The following ESR1 variants were observed in gnomAD, a reference collection of about 807,000 sequenced individuals.
ESR1 encodes estrogen receptor 1.
A neutral mutation model predicts 52.7 loss-of-function variants in ESR1; 12 were observed. The ratio of observed to expected loss-of-function variants is 0.23; its 90% CI spans 0.15 to 0.37. The LOEUF (loss-of-function observed/expected upper bound fraction) is 0.37, where lower values mean the gene tolerates loss of function less well. ESR1 is among the 10% of genes least tolerant of loss of function. ESR1 has a pLI of 1.00. For missense variants in ESR1, 584 were observed against 779.7 expected (o/e 0.75, Z 2.99); for synonymous variants, 305 against 316.8 (o/e 0.96, Z 0.39).
At chr6:152,065,706 C>A (rs2047911782) in intron 6 of ESR1, among the ~76,000 whole-genome samples, 1 of 152,176 alleles carries the variant, frequency 6.6e-6, no homozygotes, top group Non-Finnish European at 1.5e-5. Context: ...TCTCTCCTGA[C>A]TCCTCAAACC....
At position 151,861,975 on chromosome 6, in the gene ESR1, T is replaced by G. The variant is rs9340834; in HGVS notation, c.644-18680T>G. On this transcript the variant is annotated intron_variant, in intron 2 of 7. Transcript: ENST00000206249. Reference sequence around the variant, plus strand: ...TTGTTTACTGAGAAAATGATGTTATTATAAACTGGTTTGAGGGTATTGTGG... The same window carrying G: ...TTGTTTACTGAGAAAATGATGTTATGATAAACTGGTTTGAGGGTATTGTGG... 9.1e-4 allele frequency among the ~76,000 whole-genome samples: 138 copies of G among 152,326 alleles called. 5 individuals carry two copies. The East Asian group carries it at 0.026, about 29-fold the overall frequency.
At chr6:151,966,757 T>C (rs1188130060) in intron 4 of ESR1, among the ~76,000 whole-genome samples, 4 of 152,198 alleles carry the variant, frequency 2.6e-5, no homozygotes, top group Non-Finnish European at 4.4e-5. Flanking sequence ...CTGCAATATT[T>C]AGAAAGAGCA....
chr6:151,698,894 A>G (rs1467502455), intron 1 of ESR1, among the ~76,000 whole-genome samples: 1 of 152,162 alleles, frequency 6.6e-6, no homozygotes, highest in Non-Finnish European at 1.5e-5. Flanking sequence ...TGACGGTCCT[A>G]TTCCTCCGGA....
At chr6:152,059,688 CT>C (rs1248419928) in intron 5 of ESR1, among the ~76,000 whole-genome samples, 2 of 152,106 alleles carry the variant, frequency 1.3e-5, no homozygotes, top group Non-Finnish European at 2.9e-5. Flanking sequence ...TACATAAGCC[CT>C]TTTATCTAGC....
chr6:152,049,256 A>G (rs1402194107), intron 5 of ESR1, among the ~76,000 whole-genome samples: 2 of 152,222 alleles, frequency 1.3e-5, no homozygotes, highest in Middle Eastern at 3.2e-3. Context: ...AACCAACTCT[A>G]ACCTCCTTTC....
At chr6:152,113,000 G>A (rs925287776) in intron 6 of ESR1, 2 of 152,260 alleles carry the variant, frequency 1.3e-5, no homozygotes, top group African/African-American at 4.8e-5. Flanking sequence ...AGATGGAGGT[G>A]GGGCGAGTGC....
chr6:151,710,446 C>A (rs1183944463), intron 2 of ESR1, among the ~76,000 whole-genome samples: 1 of 152,044 alleles, frequency 6.6e-6, no homozygotes, highest in African/African-American at 2.4e-5. Flanking sequence ...CCCGAACCAA[C>A]AAACATCAGC....
At chr6:152,032,304 G>A (rs1346520549) in intron 5 of ESR1, among the ~76,000 whole-genome samples, 2 of 152,160 alleles carry the variant, frequency 1.3e-5, no homozygotes, top group Non-Finnish European at 2.9e-5. Context: ...AATCAGGCAG[G>A]AGAAGGAAAT....
chr6:151,947,913 C>T (rs1196516223), intron 4 of ESR1, among the ~76,000 whole-genome samples: 2 of 152,054 alleles, frequency 1.3e-5, no homozygotes, highest in Non-Finnish European at 2.9e-5. Context: ...TGATATTTAT[C>T]TATCGAGAAG....
At chr6:151,960,911 C>T (rs1381499382) in intron 4 of ESR1, among the ~76,000 whole-genome samples, 7 of 152,154 alleles carry the variant, frequency 4.6e-5, no homozygotes, top group East Asian at 1.9e-4. Context: ...AGGATTTTCC[C>T]GATGGGCTGG....
In ESR1 at chr6:151,923,762, TC is replaced by T. The variant is rs146711691; in HGVS notation, c.761-20410del. 8.5e-3 allele frequency among the ~76,000 whole-genome samples: 1,301 copies of T among 152,358 alleles called. 20 individuals are homozygous for T. The highest frequency in any genetic ancestry group is 0.028 in the African/African-American group (1,144 of 41,578). On this transcript the variant is annotated intron_variant, in intron 3 of 7. Transcript: ENST00000206249. ...TCATGGCAATTATGAATGAAACTGCTCTAAACATTTTTGTGCAGGTTTTTGT... is the reference window on the plus strand; with the variant it reads ...TCATGGCAATTATGAATGAAACTGCTTAAACATTTTTGTGCAGGTTTTTGT...
intron 5 of ESR1, among the ~76,000 whole-genome samples, chr6:152,034,534 T>C (rs1385621060): frequency 1.3e-5 from 2 of 152,206 alleles, no homozygotes; most frequent in African/African-American, 2.4e-5. Flanking sequence ...TGAATGTTTT[T>C]CCTTTTTTAG....
At chr6:151,900,479 G>T (rs1031578176) in intron 3 of ESR1, among the ~76,000 whole-genome samples, 4 of 152,070 alleles carry the variant, frequency 2.6e-5, no homozygotes, top group Non-Finnish European at 4.4e-5. Context: ...ATCCATTGCT[G>T]GTGAGCTAGT....
intron 2 of ESR1, among the ~76,000 whole-genome samples, chr6:151,721,772 A>C (rs1307050495): frequency 6.6e-6 from 1 of 152,226 alleles, no homozygotes; most frequent in Non-Finnish European, 1.5e-5. Flanking sequence ...TAATTGGTTT[A>C]CAGTTGTGAC....
intron 2 of ESR1, among the ~76,000 whole-genome samples, chr6:151,794,763 T>C (rs1223096674): frequency 1.3e-5 from 2 of 152,184 alleles, no homozygotes; most frequent in Non-Finnish European, 2.9e-5. Context: ...GCTTCTGGTG[T>C]TAACGTTCTC....
At chr6:152,051,935 C>T (rs9478271) in intron 5 of ESR1, among the ~76,000 whole-genome samples, 67 of 152,224 alleles carry the variant, frequency 4.4e-4, no homozygotes, top group African/African-American at 1.5e-3. Context: ...TAGCAGGGGC[C>T]GTGGTCGGGG....
downstream of ESR1, among the ~76,000 whole-genome samples, chr6:152,104,143 A>G (rs185754546): frequency 1.3e-5 from 2 of 152,166 alleles, no homozygotes; most frequent in East Asian, 1.9e-4. Context: ...CGTGGCTGAC[A>G]CTGCTTCTCC....
intron 6 of ESR1, among the ~76,000 whole-genome samples, chr6:152,066,077 GCTGT>G (rs935640963): frequency 3.9e-5 from 6 of 152,178 alleles, no homozygotes; most frequent in African/African-American, 1.4e-4. Context: ...AGTGCCAGCT[GCTGT>G]CTGCCATATA....
intron 2 of ESR1, among the ~76,000 whole-genome samples, chr6:151,846,896 C>T (rs530328574): frequency 7.9e-5 from 12 of 152,308 alleles, no homozygotes; most frequent in African/African-American, 9.6e-5. Flanking sequence ...GTAGCTTCAG[C>T]AGCCAGATAC....
Sources: allele counts gnomAD v4.1 joint callset (sites outside exome capture counted in the v4.1 genomes callset), GRCh38; gene constraint gnomAD v4.1.1; transcripts MANE v1.5; gene names NCBI Gene and HGNC (gene_info 2026-07-23, HGNC 2026-07-21).